ZNF362: variants seen among roughly 807,000 people sequenced by gnomAD.
ZNF362 encodes the protein zinc finger protein 362.
In ZNF362, 11 loss-of-function variants were observed where a neutral mutation model predicts 42.9. The ratio of observed to expected loss-of-function variants is 0.26; its 90% confidence interval spans 0.16 to 0.42. ZNF362 has a LOEUF of 0.42. Ranked by LOEUF, ZNF362 falls within the 20% of genes least tolerant of loss-of-function variation. ZNF362 has a pLI of 1.00. For missense variants in ZNF362, 362 were observed against 576.2 expected, an observed-to-expected ratio of 0.63 and a Z score of 3.81; for synonymous variants, 255 against 257.3, an observed-to-expected ratio of 0.99 and a Z score of 0.09.
chr1:33,188,751 G>A, the ZNF362 span, among the ~76,000 whole-genome samples: 1 of 152,326 alleles, frequency 6.6e-6, no homozygotes, highest in South Asian at 2.1e-4. Flanking sequence ...TGGCTTCTCA[G>A]TTATGGGTCT....
the ZNF362 span, among the ~76,000 whole-genome samples, chr1:33,220,947 G>A: frequency 1.3e-5 from 2 of 152,174 alleles, no homozygotes; most frequent in East Asian, 3.9e-4. Context: ...TGCTCTGTGG[G>A]GAATGTGGAA....
chr1:33,158,232 C>T, the ZNF362 span: 1 of 1,605,712 alleles, frequency 6.2e-7, no homozygotes, highest in Non-Finnish European at 8.5e-7. Context: ...TAGCTCTGGA[C>T]CATGATAACC....
chr1:33,276,469 C>A lies in ZNF362; in HGVS notation c.224C>A (p.Pro75His), dbSNP rs1213025884. 9.4e-6 allele frequency: 15 copies of A among 1,589,302 alleles called. No homozygotes were observed. The highest frequency in any genetic ancestry group is 1.3e-5 in the Non-Finnish European group (15 of 1,171,020). Reference sequence around the variant, plus strand: ...CAGCCGTTGCTAGTGCCGCCGGCACCCGCCGAGAGCAGCCAGGCCGTCATG... The same window carrying A: ...CAGCCGTTGCTAGTGCCGCCGGCACACGCCGAGAGCAGCCAGGCCGTCATG... ...SQQPLLVPPA[P>H]AESSQAVMSL... is the part of the protein sequence containing the mutation. The change falls in exon 4 of 9, where the codon CCC (proline) becomes CAC (histidine). Residue 75 changes from proline (P) to histidine (H), a missense_variant. By Grantham distance (77) the Pro-to-His change is moderately conservative. Around this residue, in one of 3 missense-constraint regions of ZNF362, gnomAD observed 266 missense variants for 365.4 expected, o/e 0.73. Transcript: ENST00000539719.
chr1:33,151,900 T>C, the ZNF362 span, among the ~76,000 whole-genome samples: 1 of 152,214 alleles, frequency 6.6e-6, no homozygotes, highest in Non-Finnish European at 1.5e-5. Context: ...GTGAGTGGAT[T>C]GTGTTTCTTT....
At chr1:33,260,865 T>C (rs1645824170) in intron 1 of ZNF362, among the ~76,000 whole-genome samples, 1 of 152,182 alleles carries the variant, frequency 6.6e-6, no homozygotes, top group African/African-American at 2.4e-5. Flanking sequence ...TCTTCCAGTC[T>C]CAGAGCTTTA....
chr1:33,219,258 A>T, the ZNF362 span, among the ~76,000 whole-genome samples: 2 of 152,192 alleles, frequency 1.3e-5, no homozygotes, highest in African/African-American at 4.8e-5. Context: ...TTCACTGGGT[A>T]TGATGACGGT....
At chr1:33,203,654 A>G in the ZNF362 span, among the ~76,000 whole-genome samples, 1 of 152,146 alleles carries the variant, frequency 6.6e-6, no homozygotes, top group African/African-American at 2.4e-5. Flanking sequence ...CTTTTTGATA[A>G]TAACCATCTT....
the ZNF362 span, among the ~76,000 whole-genome samples, chr1:33,174,945 G>GTATATATATATATATATATA: frequency 7.1e-6 from 1 of 141,742 alleles, no homozygotes; most frequent in East Asian, 2.1e-4. Context: ...ATATATGTGT[G>GTATATATATATATATATATA]TATATATATA....
chr1:33,185,475 G>A, the ZNF362 span, among the ~76,000 whole-genome samples: 15 of 152,128 alleles, frequency 9.9e-5, no homozygotes, highest in Non-Finnish European at 1.6e-4. Context: ...GCCTGCCTTG[G>A]CCTCCCAGAG....
At chr1:33,295,613 A>AGG (rs1448480461) in intron 8 of ZNF362, among the ~76,000 whole-genome samples, 2 of 151,366 alleles carry the variant, frequency 1.3e-5, no homozygotes, top group Non-Finnish European at 3.0e-5. Context: ...AGAGCTACAG[A>AGG]GAGAAGCGCC....
the ZNF362 span, among the ~76,000 whole-genome samples, chr1:33,239,494 T>G: frequency 2.6e-5 from 4 of 152,100 alleles, no homozygotes; most frequent in Admixed American, 6.5e-5. Context: ...ACTGACTAAT[T>G]TATAAAAGAC....
the ZNF362 span, among the ~76,000 whole-genome samples, chr1:33,161,045 G>A: frequency 6.6e-6 from 1 of 152,258 alleles, no homozygotes; most frequent in Non-Finnish European, 1.5e-5. The surrounding 1 kb of genome is among the most constrained non-coding windows in gnomAD (Gnocchi z 4.3). Flanking sequence ...GGCAACGTCA[G>A]TTGCCTAAGA....
At chr1:33,197,047 T>G in the ZNF362 span, among the ~76,000 whole-genome samples, 1 of 152,078 alleles carries the variant, frequency 6.6e-6, no homozygotes, top group Non-Finnish European at 1.5e-5. Flanking sequence ...TGGGATATCC[T>G]AGCTTGCTGA....
At chr1:33,230,398 A>G in the ZNF362 span, among the ~76,000 whole-genome samples, 1 of 152,212 alleles carries the variant, frequency 6.6e-6, no homozygotes, top group Admixed American at 6.5e-5. Flanking sequence ...TAGTAATAAC[A>G]TGATAACCTA....
chr1:33,226,769 G>A, the ZNF362 span, among the ~76,000 whole-genome samples: 19 of 152,310 alleles, frequency 1.2e-4, no homozygotes, highest in East Asian at 3.7e-3. Context: ...GGAGGCTGTG[G>A]CATGAGAATC....
intron 8 of ZNF362, among the ~76,000 whole-genome samples, chr1:33,298,604 G>GC (rs1570416506): frequency 6.6e-6 from 1 of 152,200 alleles, no homozygotes; most frequent in Non-Finnish European, 1.5e-5. Flanking sequence ...CCAGATGCAG[G>GC]CACAGTGCTT....
At chr1:33,229,590 G>A in the ZNF362 span, among the ~76,000 whole-genome samples, 1 of 151,836 alleles carries the variant, frequency 6.6e-6, no homozygotes, top group Non-Finnish European at 1.5e-5. Context: ...TATTTTTAGT[G>A]TAGATGGAGT....
At chr1:33,264,289 A>G (rs1645849302) in intron 1 of ZNF362, among the ~76,000 whole-genome samples, 1 of 151,920 alleles carries the variant, frequency 6.6e-6, no homozygotes, top group African/African-American at 2.4e-5. Flanking sequence ...GGCCACCCAG[A>G]GCTACTGCCA....
chr1:33,173,439 ATG>A, the ZNF362 span, among the ~76,000 whole-genome samples: 2 of 152,032 alleles, frequency 1.3e-5, no homozygotes, highest in African/African-American at 4.8e-5. Flanking sequence ...GTATGTGTGT[ATG>A]TGTGTGTGTG....
Sources: allele counts gnomAD v4.1 joint callset (sites outside exome capture counted in the v4.1 genomes callset), GRCh38; gene constraint gnomAD v4.1.1; regional missense constraint gnomAD v4.1.1; non-coding constraint Gnocchi (gnomAD v3.1); transcripts MANE v1.5; gene names NCBI Gene and HGNC (gene_info 2026-07-23, HGNC 2026-07-21).